Variants in ADK observed in about 807,000 individuals in gnomAD.
The protein encoded by ADK is adenosine kinase, also known as N6,N6-dimethyladenosine kinase.
A neutral mutation model predicts 44.7 loss-of-function variants in ADK; 24 were observed. The ratio of observed to expected loss-of-function variants is 0.54; its 90% CI spans 0.39 to 0.76. ADK has a LOEUF of 0.76. ADK is among the 30% of genes least tolerant of loss of function. The pLI is 0.00. For synonymous variants in ADK, 128 were observed against 142.6 expected, an observed-to-expected ratio of 0.90 and a Z score of 0.73; for missense variants, 321 against 425.1, an observed-to-expected ratio of 0.76 and a Z score of 2.15.
intron 9 of ADK, among the ~76,000 whole-genome samples, chr10:74,634,211 A>ATT (rs778469705): frequency 3.4e-5 from 5 of 147,592 alleles, no homozygotes; most frequent in African/African-American, 7.4e-5. Flanking sequence ...ATTTTTATTT[A>ATT]TTTTTTTTTT....
Position 74,168,580 on chromosome 10 carries a change from A to G in ADK, c.65+17237A>G, listed in dbSNP as rs569240911. On this transcript the variant is annotated intron_variant, in intron 1 of 10. Coordinates refer to ENST00000539909, the MANE Select transcript of ADK (RefSeq NM_006721.4). ...AGAAAGAAAAAAAAGATTGTGAAGT[A>G]TCATAGATCAGATCTACGTTGAAAT... Among the ~76,000 whole-genome samples the G allele has an allele frequency of 2.8e-4, 43 of 151,510 alleles. 2 individuals are homozygous for G. The highest frequency in any genetic ancestry group is 1.0e-3 in the African/African-American group (42 of 41,328).
chr10:74,555,699 C>T (rs937699222), intron 7 of ADK, among the ~76,000 whole-genome samples: 1 of 151,796 alleles, frequency 6.6e-6, no homozygotes, highest in African/African-American at 2.4e-5. Flanking sequence ...AAATGCAAGA[C>T]AATCAGAGAC....
chr10:74,584,665 AAGTCTAATATCATTATAAGGCCTGTAAC>A, intron 7 of ADK, among the ~76,000 whole-genome samples: 1 of 152,262 alleles, frequency 6.6e-6, no homozygotes, highest in Non-Finnish European at 1.5e-5. Context: ...TATTGAGTCA[AAGTCTAATATCATTATAAGGCCTGTAAC>A]AGCTGTAGCA....
At position 74,394,293 on chromosome 10, in the gene ADK, A is replaced by G. The variant is rs148712301; in HGVS notation, c.426A>G (p.Ala142=). Residue 142 remains alanine, a synonymous_variant, in exon 5 of 11, where the codon GCA becomes GCG. Transcript: ENST00000539909. ...AGCAGCCAACAGGAACTTGTGCTGC[A>G]TGCATCACTGGTGACAACAGGTCAG... The part of the protein sequence containing the change: ...QNEQPTGTCA[A]CITGDNRSLI... 37 of 1,614,002 alleles carry G rather than the reference A, an allele frequency of 2.3e-5. No individual in the cohort carries two copies. The African/African-American group carries it at 3.3e-4, about 15-fold the overall frequency.
rs1392739701 is a variant in ADK at position 74,303,667 on chromosome 10, CCTTG to C, written c.195-10996_195-10993del. Among the ~76,000 whole-genome samples the C allele has an allele frequency of 4.1e-5, 5 of 122,328 alleles. No individual in the cohort carries two copies. The Admixed American group carries it at 5.5e-4, about 13-fold the overall frequency. 80.3% of individuals were successfully genotyped at this position (122,328 alleles called of 152,430 possible). A position where few individuals can be genotyped will look rare whatever the true frequency, so the allele number is the denominator to read the frequency against. The stretch of plus-strand genomic sequence containing the variant: ...TTCTACACTGATAAATTTTCAAAGT[CCTTG>C]CTTTTAAAATATCAAGCTGGGTGCA... On this transcript the variant is annotated intron_variant, in intron 3 of 10. Coordinates refer to ENST00000539909, the MANE Select transcript of ADK (RefSeq NM_006721.4).
chr10:74,545,165 A>T (rs761911380), intron 7 of ADK, among the ~76,000 whole-genome samples: 4 of 152,322 alleles, frequency 2.6e-5, no homozygotes, highest in East Asian at 3.9e-4. Flanking sequence ...ACCACAATTT[A>T]TTGAGAGCAT....
intron 6 of ADK, among the ~76,000 whole-genome samples, chr10:74,462,766 CAAAT>C (rs1317884586): frequency 1.3e-5 from 2 of 152,124 alleles, no homozygotes; most frequent in African/African-American, 2.4e-5. Context: ...TACAACTTAT[CAAAT>C]AAACAGTTAC....
intron 6 of ADK, among the ~76,000 whole-genome samples, chr10:74,474,316 T>G (rs565854384): frequency 2.3e-4 from 35 of 152,260 alleles, no homozygotes; most frequent in Non-Finnish European, 5.0e-4. Context: ...TTACCGAGCC[T>G]AGTCTCAAAT....
At chr10:74,217,142 T>C (rs563836541) in intron 2 of ADK, among the ~76,000 whole-genome samples, 19 of 152,326 alleles carry the variant, frequency 1.2e-4, no homozygotes, top group African/African-American at 4.1e-4. Flanking sequence ...AGATGGCACC[T>C]GGAAAATCGG....
intron 7 of ADK, among the ~76,000 whole-genome samples, chr10:74,527,385 A>C (rs1031493592): frequency 2.0e-5 from 3 of 149,086 alleles, no homozygotes; most frequent in South Asian, 2.1e-4. Flanking sequence ...AAAAAAAAAA[A>C]CATAAATATG....
chr10:74,694,171 T>TA (rs1856090859), intron 10 of ADK, among the ~76,000 whole-genome samples: 1 of 141,340 alleles, frequency 7.1e-6, no homozygotes, highest in Non-Finnish European at 1.5e-5. Context: ...TTTTTTTTTT[T>TA]ACTATTTTGA....
intron 9 of ADK, among the ~76,000 whole-genome samples, chr10:74,623,041 G>A (rs895548466): frequency 2.0e-5 from 3 of 151,922 alleles, no homozygotes; most frequent in Non-Finnish European, 4.4e-5. Context: ...AAAAGAACCC[G>A]GCTTCTTGAA....
intron 9 of ADK, among the ~76,000 whole-genome samples, chr10:74,601,962 G>A (rs1159235300): frequency 6.7e-6 from 1 of 150,132 alleles, no homozygotes; most frequent in Non-Finnish European, 1.5e-5. Context: ...AATTAGCTGA[G>A]AGAGTAGTGG....
At chr10:74,168,265 C>T (rs578050430) in intron 1 of ADK, among the ~76,000 whole-genome samples, 3 of 152,058 alleles carry the variant, frequency 2.0e-5, no homozygotes, top group Non-Finnish European at 2.9e-5. Context: ...GTGAGCTGGG[C>T]GCGGTGGCTT....
intron 4 of ADK, among the ~76,000 whole-genome samples, chr10:74,353,115 ATG>A (rs1035105846): frequency 2.0e-4 from 30 of 152,156 alleles, no homozygotes; most frequent in African/African-American, 5.3e-4. Flanking sequence ...ACATGCACAC[ATG>A]TGTTTATTGT....
At chr10:74,286,215 G>T (rs896964328) in intron 3 of ADK, among the ~76,000 whole-genome samples, 2 of 152,088 alleles carry the variant, frequency 1.3e-5, no homozygotes, top group Non-Finnish European at 2.9e-5. Context: ...ACCACACCTG[G>T]CTCATTTTTT....
intron 1 of ADK, among the ~76,000 whole-genome samples, chr10:74,155,970 T>C (rs1841738844): frequency 6.6e-6 from 1 of 152,216 alleles, no homozygotes. Context: ...GCAAATTTAA[T>C]CCTTTAAGAT....
chr10:74,509,391 C>A (rs374709069), intron 6 of ADK: 7 of 152,282 alleles, frequency 4.6e-5, no homozygotes, highest in African/African-American at 1.7e-4. Flanking sequence ...TGGGGTTTCA[C>A]CATGTTGGCC....
intron 4 of ADK, among the ~76,000 whole-genome samples, chr10:74,335,187 G>A (rs1429381564): frequency 6.6e-6 from 1 of 152,116 alleles, no homozygotes; most frequent in African/African-American, 2.4e-5. Context: ...GGGGTAGCTG[G>A]CACTTTCTCC....
Sources: allele counts gnomAD v4.1 joint callset (sites outside exome capture counted in the v4.1 genomes callset), GRCh38; gene constraint gnomAD v4.1.1; transcripts MANE v1.5; gene names NCBI Gene and HGNC (gene_info 2026-07-23, HGNC 2026-07-21).